NRG1: variants seen among roughly 807,000 people sequenced by gnomAD.
NRG1 encodes the protein neuregulin 1, also known as pro-neuregulin-1, membrane-bound isoform.
In NRG1, 18 loss-of-function variants were observed where a neutral mutation model predicts 63.8. That is an observed-to-expected ratio of 0.28 (90% CI 0.19 to 0.42). The LOEUF is 0.42. Ranked by LOEUF, NRG1 falls within the 10% of genes least tolerant of loss-of-function variation. The pLI is 1.00. For missense variants in NRG1, 762 were observed against 814.7 expected, an observed-to-expected ratio of 0.94 and a Z score of 0.79; for synonymous variants, 302 against 301.3, an observed-to-expected ratio of 1.00 and a Z score of -0.02.
intron 1 of NRG1, among the ~76,000 whole-genome samples, chr8:32,163,362 A>G (rs560976735): frequency 6.6e-6 from 1 of 152,204 alleles, no homozygotes; most frequent in African/African-American, 2.4e-5. Context: ...CAAGACTACG[A>G]CACAGTCTTT....
chr8:32,640,273 A>ACACACACACACG (rs775272154), intron 5 of NRG1, among the ~76,000 whole-genome samples: 9 of 149,768 alleles, frequency 6.0e-5, no homozygotes, highest in Non-Finnish European at 1.3e-4. Flanking sequence ...ACACACACAC[A>ACACACACACACG]CGCACGCACA....
At chr8:32,030,304 T>C (rs1222008402) in intron 1 of NRG1, 3 of 152,314 alleles carry the variant, frequency 2.0e-5, no homozygotes, top group African/African-American at 4.8e-5. Flanking sequence ...TGTAATCATA[T>C]GATGACAATT....
intron 1 of NRG1, among the ~76,000 whole-genome samples, chr8:32,486,891 C>T (rs1825969570): frequency 6.6e-6 from 1 of 152,182 alleles, no homozygotes; most frequent in Non-Finnish European, 1.5e-5. Flanking sequence ...TCCCAAAGTG[C>T]TGGGACTACA....
chr8:31,933,662 G>T (rs942806151), intron 1 of NRG1, among the ~76,000 whole-genome samples: 6 of 152,106 alleles, frequency 3.9e-5, no homozygotes, highest in Non-Finnish European at 7.4e-5. Context: ...GAAAGTCTAG[G>T]AACTAAGATT....
chr8:32,471,654 C>T (rs538102699), intron 1 of NRG1, among the ~76,000 whole-genome samples: 34 of 151,868 alleles, frequency 2.2e-4, no homozygotes, highest in Admixed American at 7.9e-4. Flanking sequence ...AGATAGAGTC[C>T]GTGCTTAGAA....
At chr8:32,184,402 A>C (rs1563883100) in intron 1 of NRG1, among the ~76,000 whole-genome samples, 2 of 152,188 alleles carry the variant, frequency 1.3e-5, no homozygotes, top group African/African-American at 4.8e-5. Flanking sequence ...TGCTGAGGCC[A>C]AACAAAATCA....
At chr8:32,160,953 A>G (rs553152891) in intron 1 of NRG1, among the ~76,000 whole-genome samples, 40 of 152,184 alleles carry the variant, frequency 2.6e-4, no homozygotes, top group Non-Finnish European at 4.9e-4. Context: ...CCTACACTCT[A>G]CTAAAATTAT....
chr8:32,605,496 G>A, intron 2 of NRG1, 66 bp from the exon 3 acceptor site: 2 of 1,580,024 alleles, frequency 1.3e-6, no homozygotes, highest in African/African-American at 1.4e-5. Context: ...GCATAGAAAA[G>A]TATGTATTTA....
intron 1 of NRG1, among the ~76,000 whole-genome samples, chr8:31,774,557 A>G (rs1010136181): frequency 6.6e-6 from 1 of 152,170 alleles, no homozygotes. Context: ...AGTCAGCCTG[A>G]GGTCAAATCC....
chr8:32,698,453 C>G (rs186936078), intron 5 of NRG1, among the ~76,000 whole-genome samples: 1 of 152,118 alleles, frequency 6.6e-6, no homozygotes, highest in Non-Finnish European at 1.5e-5. Flanking sequence ...ATAATGTGCC[C>G]ACATTTCAGC....
At chr8:32,279,618 T>A (rs1307450947) in intron 1 of NRG1, among the ~76,000 whole-genome samples, 1 of 152,232 alleles carries the variant, frequency 6.6e-6, no homozygotes, top group Admixed American at 6.5e-5. Context: ...CCGAAAGTGC[T>A]GGGATTACAG....
rs66850785 is a variant in NRG1 at position 31,712,984 on chromosome 8, CCCATCCATCCATCCAT to C, written c.37+73580_37+73595del. 2.4e-3 allele frequency among the ~76,000 whole-genome samples: 315 copies of C among 132,848 alleles called. 2 individuals are homozygous for C. The highest frequency in any genetic ancestry group is 4.2e-3 in the Admixed American group (53 of 12,700). 87.2% of individuals were successfully genotyped at this position (132,848 alleles called of 152,430 possible). A position where few individuals can be genotyped will look rare whatever the true frequency, so the allele number is the denominator to read the frequency against. On this transcript the variant is annotated intron_variant, in intron 1 of 10. Transcript: ENST00000519301. ...AGTCATCTCTCTGTCCATCCATCCA[CCCATCCATCCATCCAT>C]CCATCCATCCATCCATCCATCCATC...
intron 1 of NRG1, among the ~76,000 whole-genome samples, chr8:32,398,007 T>G (rs1812663469): frequency 6.6e-6 from 1 of 152,218 alleles, no homozygotes; most frequent in Non-Finnish European, 1.5e-5. Context: ...AAATCTATTC[T>G]GTGAAGTATT....
intron 1 of NRG1, among the ~76,000 whole-genome samples, chr8:31,976,692 T>G (rs1411275153): frequency 1.9e-5 from 1 of 52,842 alleles, no homozygotes; most frequent in East Asian, 2.8e-4. Flanking sequence ...TGTGTGTGTG[T>G]GTGTGTATGT....
chr8:32,046,322 A>G (rs1485708806), intron 1 of NRG1, among the ~76,000 whole-genome samples: 4 of 152,130 alleles, frequency 2.6e-5, no homozygotes, highest in Admixed American at 2.6e-4. Context: ...GATGTGGAGC[A>G]ACTAGACTTC....
intron 1 of NRG1, among the ~76,000 whole-genome samples, chr8:32,142,177 G>A (rs1836360254): frequency 6.6e-6 from 1 of 152,180 alleles, no homozygotes; most frequent in African/African-American, 2.4e-5. Flanking sequence ...AGAGGGATGG[G>A]TATCTGGTGG....
chr8:31,768,978 T>A (rs571005222), intron 1 of NRG1, among the ~76,000 whole-genome samples: 32 of 152,274 alleles, frequency 2.1e-4, no homozygotes, highest in African/African-American at 7.7e-4. Flanking sequence ...ACTGGGTGAG[T>A]GCAGATGCAG....
chr8:31,828,743 C>G (rs1824823331), intron 1 of NRG1, among the ~76,000 whole-genome samples: 1 of 152,182 alleles, frequency 6.6e-6, no homozygotes, highest in South Asian at 2.1e-4. Flanking sequence ...GCAGGGCAAA[C>G]TCTCTAGTTT....
chr8:32,180,149 AT>A (rs1384495736), intron 1 of NRG1, among the ~76,000 whole-genome samples: 3 of 152,096 alleles, frequency 2.0e-5, no homozygotes, highest in Non-Finnish European at 4.4e-5. Context: ...TTTTTAATAT[AT>A]TGCTTCCAGA....
Sources: gnomAD v4.1 joint callset for allele counts (sites outside exome capture counted in the v4.1 genomes callset) on GRCh38, gnomAD v4.1.1 for gene constraint, MANE v1.5 for transcripts, NCBI Gene and HGNC (gene_info 2026-07-23, HGNC 2026-07-21) for gene names.